Variants in KBTBD11 observed in about 807,000 individuals in gnomAD.
The protein encoded by KBTBD11 is kelch repeat and BTB domain-containing protein 11.
For missense variants in KBTBD11, 1,390 were observed against 1,001.8 expected (o/e 1.39, Z -5.23); for synonymous variants, 747 against 499.0 (o/e 1.50, Z -6.63).
At chr8:1,988,848 A>T (rs1454170414) in intron 1 of KBTBD11, among the ~76,000 whole-genome samples, 2 of 150,280 alleles carry the variant, frequency 1.3e-5, no homozygotes, top group Non-Finnish European at 2.9e-5. Flanking sequence ...GAGCAAATGA[A>T]TGAATATTGC....
At chr8:1,997,414 A>G (rs1335021153) in intron 1 of KBTBD11, among the ~76,000 whole-genome samples, 2 of 152,118 alleles carry the variant, frequency 1.3e-5, no homozygotes, top group South Asian at 2.1e-4. Context: ...AAAAAAAAAA[A>G]AAGTCTTAAT....
intron 1 of KBTBD11, among the ~76,000 whole-genome samples, chr8:1,985,520 G>A (rs768128794): frequency 6.6e-6 from 1 of 152,274 alleles, no homozygotes; most frequent in Non-Finnish European, 1.5e-5. Context: ...TCAGCTTCCA[G>A]CCTGGGTGCC....
At chr8:1,997,885 G>C (rs992159645) in intron 1 of KBTBD11, among the ~76,000 whole-genome samples, 1 of 152,238 alleles carries the variant, frequency 6.6e-6, no homozygotes, top group African/African-American at 2.4e-5. Flanking sequence ...GACAGAATAC[G>C]ATAGGGCCAC....
chr8:1,994,130 T>G (rs1381197266), intron 1 of KBTBD11, among the ~76,000 whole-genome samples: 1 of 152,178 alleles, frequency 6.6e-6, no homozygotes, highest in Non-Finnish European at 1.5e-5. Context: ...ATAAAAGCTC[T>G]TCTTCAGGAA....
At chr8:1,981,546 GTAT>G (rs1277564878) in intron 1 of KBTBD11, among the ~76,000 whole-genome samples, 3 of 152,216 alleles carry the variant, frequency 2.0e-5, no homozygotes, top group Admixed American at 6.5e-5. Flanking sequence ...AGCTCGTAAA[GTAT>G]TATTTCTGGA....
chr8:1,994,785 G>T (rs986084233), intron 1 of KBTBD11, among the ~76,000 whole-genome samples: 1 of 152,172 alleles, frequency 6.6e-6, no homozygotes, highest in East Asian at 1.9e-4. Context: ...GAGGCCAGGC[G>T]TGGTGGCTGA....
At chr8:1,974,607 C>A (rs1227636086) in intron 1 of KBTBD11, 5 of 985,120 alleles carry the variant, frequency 5.1e-6, no homozygotes, top group Non-Finnish European at 6.0e-6. Flanking sequence ...CGCGACCCAC[C>A]CGCCCCACCG....
At chr8:1,988,365 C>T (rs1816770926) in intron 1 of KBTBD11, among the ~76,000 whole-genome samples, 1 of 152,190 alleles carries the variant, frequency 6.6e-6, no homozygotes, top group African/African-American at 2.4e-5. Flanking sequence ...AAAAGCGTTC[C>T]TGTTTCTCCA....
At chr8:1,986,829 A>G (rs888049471) in intron 1 of KBTBD11, among the ~76,000 whole-genome samples, 1 of 152,088 alleles carries the variant, frequency 6.6e-6, no homozygotes, top group Non-Finnish European at 1.5e-5. Context: ...GATTTAATAC[A>G]TGTTATCGTT....
intron 1 of KBTBD11, among the ~76,000 whole-genome samples, chr8:1,988,538 A>T (rs1305139197): frequency 1.3e-5 from 2 of 152,098 alleles, no homozygotes; most frequent in African/African-American, 4.8e-5. Context: ...TTCTTTTGAG[A>T]AGTGTCTGTT....
intron 1 of KBTBD11, among the ~76,000 whole-genome samples, chr8:1,987,896 C>T (rs369571131): frequency 5.3e-5 from 8 of 152,056 alleles, no homozygotes; most frequent in South Asian, 2.1e-4. Context: ...CCCCAGCCCC[C>T]GACGGGCCCC....
chr8:1,979,907 C>A (rs1343773901), intron 1 of KBTBD11, among the ~76,000 whole-genome samples: 1 of 152,226 alleles, frequency 6.6e-6, no homozygotes, highest in Non-Finnish European at 1.5e-5. Flanking sequence ...GTCCCTCTTC[C>A]TTTCCATGGA....
Position 2,002,045 on chromosome 8 carries a change from C to G in KBTBD11, c.853C>G (p.Leu285Val). 1 of 1,242,448 alleles carries G rather than the reference C, an allele frequency of 8.0e-7. No homozygotes were observed. The highest frequency in any genetic ancestry group is 1.0e-6 in the Non-Finnish European group (1 of 986,122). 77.0% of individuals were successfully genotyped at this position (1,242,448 alleles called of 1,614,324 possible). ...GTCGGGCGCAGAGCGGGACCTGCTGCTGCGCCGCCGCCTGCGCGCCGGCCG... is the reference window on the plus strand; with the variant it reads ...GTCGGGCGCAGAGCGGGACCTGCTGGTGCGCCGCCGCCTGCGCGCCGGCCG... ...RLSGAERDLL[L>V]RRRLRAGRAH... The change falls in exon 2 of 2, where the codon CTG (leucine) becomes GTG (valine). Residue 285 changes from leucine (L) to valine (V), a missense_variant. Leu to Val is a conservative substitution (Grantham distance 32). Transcript: ENST00000320248. This position sits in a 1 kb window ranked among gnomAD's most constrained non-coding sequence, Gnocchi z 4.1.
chr8:1,977,390 G>C lies in KBTBD11; in HGVS notation c.-909+3455G>C, dbSNP rs80243632. Among the ~76,000 whole-genome samples the C allele has an allele frequency of 4.4e-3, 672 of 151,930 alleles. 7 individuals are homozygous for C. The highest frequency in any genetic ancestry group is 0.016 in the African/African-American group (647 of 41,418). The stretch of plus-strand genomic sequence containing the variant: ...TCGTGGGGACATACATATGGGTGTG[G>C]TTCTATGAAGTGTACCATCTTTGTC... On this transcript the variant is annotated intron_variant, in intron 1 of 1. Coordinates refer to ENST00000320248, the MANE Select transcript of KBTBD11 (RefSeq NM_014867.3).
At position 2,001,027 on chromosome 8, in the gene KBTBD11, C is replaced by A; in HGVS notation, c.-166C>A. On this transcript the variant is annotated 5_prime_UTR_variant, in exon 2 of 2. Coordinates refer to ENST00000320248, the MANE Select transcript of KBTBD11 (RefSeq NM_014867.3). ...GGCGGGGGAGCAGCGTGTGAGATTC[C>A]CCCCTTCACACACACAACAACAAAG... 2.2e-6 allele frequency: 2 copies of A among 926,210 alleles called. No homozygotes were observed. Among genetic ancestry groups the A allele is most frequent in the Non-Finnish European group, 2.8e-6 (2 of 715,050 alleles). 57.4% of individuals were successfully genotyped at this position (926,210 alleles called of 1,614,324 possible). A position where few individuals can be genotyped will look rare whatever the true frequency, so the allele number is the denominator to read the frequency against.
intron 1 of KBTBD11, among the ~76,000 whole-genome samples, chr8:1,997,405 A>G (rs1276337002): frequency 6.6e-6 from 1 of 151,974 alleles, no homozygotes; most frequent in Non-Finnish European, 1.5e-5. Flanking sequence ...CATTCTGGAA[A>G]AAAAAAAAAA....
rs1489809392 is a variant in KBTBD11, at chr8:2,000,850, C to G, written c.-343C>G. On this transcript the variant is annotated 5_prime_UTR_variant, in exon 2 of 2. Transcript: ENST00000320248. ...GAAACAACCGCAGTCAACTGCAGCT[C>G]CAGTCATTGCTGGATGTTGGCTGAC... 3 of 270,224 alleles carry G rather than the reference C, an allele frequency of 1.1e-5. No homozygotes were observed. The highest frequency in any genetic ancestry group is 2.1e-5 in the Non-Finnish European group (3 of 144,178). 16.7% of individuals were successfully genotyped at this position (270,224 alleles called of 1,614,324 possible).
intron 1 of KBTBD11, chr8:1,974,390 A>C: frequency 1.0e-6 from 1 of 983,748 alleles, no homozygotes; most frequent in Non-Finnish European, 1.2e-6. Flanking sequence ...GCAGAAGCCG[A>C]AGCCAAGCGC....
At chr8:1,978,053 A>C (rs912345130) in intron 1 of KBTBD11, among the ~76,000 whole-genome samples, 1 of 152,170 alleles carries the variant, frequency 6.6e-6, no homozygotes, top group African/African-American at 2.4e-5. Flanking sequence ...GTTTTGTTAC[A>C]TAGGTAAACG....
Sources: gnomAD v4.1 joint callset for allele counts (sites outside exome capture counted in the v4.1 genomes callset) on GRCh38, gnomAD v4.1.1 for gene constraint, Gnocchi (gnomAD v3.1) non-coding constraint, MANE v1.5 for transcripts, NCBI Gene and HGNC (gene_info 2026-07-23, HGNC 2026-07-21) for gene names.